ARSG: variants seen among roughly 807,000 people sequenced by gnomAD.
The protein encoded by ARSG is ASG.
ARSG carries 37 observed loss-of-function variants against 50.5 expected under a neutral mutation model. The observed-to-expected ratio is 0.73, with a 90% CI of 0.56 to 0.96. ARSG has a LOEUF of 0.96. Ranked by LOEUF, ARSG falls within the 50% of genes least tolerant of loss-of-function variation. The pLI, the probability that ARSG is intolerant of heterozygous loss-of-function variation, is 0.00. For missense variants in ARSG, 629 were observed against 675.3 expected (o/e 0.93, Z 0.76); for synonymous variants, 225 against 254.6 (o/e 0.88, Z 1.11).
At position 68,401,462 on chromosome 17, in the gene ARSG, G is replaced by T. The variant is rs776154425; in HGVS notation, c.1303+12G>T. Reference sequence around the variant, plus strand: ...CTTCTACATTACCGGTGAGTGAGGGGCCACTTAGCCCTGCCTCCCACAGTC... The same window carrying T: ...CTTCTACATTACCGGTGAGTGAGGGTCCACTTAGCCCTGCCTCCCACAGTC... On this transcript the variant is annotated intron_variant, in intron 11 of 11. Transcript: ENST00000621439. 1 of 1,603,492 alleles carries T rather than the reference G, an allele frequency of 6.2e-7. No homozygotes were observed. The highest frequency in any genetic ancestry group is 8.5e-7 in the Non-Finnish European group (1 of 1,170,720).
Position 68,272,660 on chromosome 17 carries a change from C to T in ARSG, c.-552+13234C>T, listed in dbSNP as rs1555749368. 6.2e-6 allele frequency: 10 copies of T among 1,614,042 alleles called. No homozygotes were observed. The Admixed American group carries it at 6.7e-5, about 11-fold the overall frequency. On this transcript the variant is annotated intron_variant, in intron 1 of 11. Transcript: ENST00000448504. ...CTACCTGGTGCGAAAGCAAACACAG[C>T]GAAACATTCTCCTGTGGAAGCAACT... is the stretch of plus-strand genomic sequence containing the variant.
At chr17:68,358,006 C>T (rs60483786) in intron 6 of ARSG, among the ~76,000 whole-genome samples, 3,396 of 151,978 alleles carry the variant, frequency 0.022, 138 homozygotes, top group African/African-American at 0.078. Context: ...GAGTTCAAGA[C>T]TAGCTGGGCA....
At chr17:68,304,793 G>T (rs1402958422) in intron 1 of ARSG, among the ~76,000 whole-genome samples, 1 of 152,214 alleles carries the variant, frequency 6.6e-6, no homozygotes, top group Non-Finnish European at 1.5e-5. Flanking sequence ...GCCTCCCAAA[G>T]TGTTGGGATT....
chr17:68,391,188 A>G (rs771235437), intron 9 of ARSG, among the ~76,000 whole-genome samples: 19 of 151,936 alleles, frequency 1.3e-4, no homozygotes, highest in Non-Finnish European at 2.5e-4. Flanking sequence ...TCAAGTTCTC[A>G]TGTAGGCTGG....
chr17:68,336,827 G>T (rs766569647), intron 2 of ARSG, among the ~76,000 whole-genome samples: 2 of 152,106 alleles, frequency 1.3e-5, no homozygotes, highest in African/African-American at 2.4e-5. Context: ...CTGCACTCTA[G>T]CCTGGGCAAC....
chr17:68,429,024 T>C, the ARSG span: 1 of 979,568 alleles, frequency 1.0e-6, no homozygotes. Flanking sequence ...TCACCCTAGC[T>C]GTCACCAGAT....
At chr17:68,361,804 C>A (rs2079301810) in intron 6 of ARSG, among the ~76,000 whole-genome samples, 1 of 152,114 alleles carries the variant, frequency 6.6e-6, no homozygotes, top group Admixed American at 6.6e-5. Context: ...GTAATCCCAG[C>A]TACTTGAGAG....
At chr17:68,357,572 A>G (rs1056369147) in intron 6 of ARSG, among the ~76,000 whole-genome samples, 1 of 152,224 alleles carries the variant, frequency 6.6e-6, no homozygotes, top group Non-Finnish European at 1.5e-5. Context: ...CATATACCGT[A>G]ACATTCACAG....
At chr17:68,451,703 C>G in the ARSG span, among the ~76,000 whole-genome samples, 1 of 152,166 alleles carries the variant, frequency 6.6e-6, no homozygotes, top group Admixed American at 6.5e-5. Context: ...GACAGTAACA[C>G]AGTTAAATCT....
intron 8 of ARSG, among the ~76,000 whole-genome samples, chr17:68,383,197 C>G (rs959561339): frequency 2.0e-5 from 3 of 152,120 alleles, no homozygotes; most frequent in South Asian, 4.1e-4. Context: ...GAGAAGAATC[C>G]CTAATTCTTG....
the ARSG span, among the ~76,000 whole-genome samples, chr17:68,445,248 C>T: frequency 6.6e-6 from 1 of 152,118 alleles, no homozygotes; most frequent in East Asian, 1.9e-4. Flanking sequence ...TGATCAGACC[C>T]CCTGTGCCAT....
rs569608362 is a variant in ARSG at position 68,320,198 on chromosome 17, C to T, written c.218+12487C>T. 1.1e-4 allele frequency among the ~76,000 whole-genome samples: 16 copies of T among 151,336 alleles called. No homozygotes were observed. In the Middle Eastern group the frequency reaches 0.01, roughly 97 times the overall value. On this transcript the variant is annotated intron_variant, in intron 2 of 11. Transcript: ENST00000621439. ...TAGCTACTCAGGAGGCTGAGACAGG[C>T]GAATCGCTTAGAACCTGGGAGTTGG...
chr17:68,349,234 G>GT (rs1202609147), intron 4 of ARSG, among the ~76,000 whole-genome samples: 1 of 151,860 alleles, frequency 6.6e-6, no homozygotes, highest in Non-Finnish European at 1.5e-5. Flanking sequence ...GGAGGTGGAG[G>GT]TTGCAGTGAG....
At chr17:68,438,243 G>GGCAGCCCT in the ARSG span, among the ~76,000 whole-genome samples, 49,902 of 151,622 alleles carry the variant, frequency 0.33, 8,661 homozygotes, top group Middle Eastern at 0.46. Context: ...TGCACGTTCT[G>GGCAGCCCT]GCAGCCCTGC....
At chr17:68,410,624 G>A (rs548983776) in intron 11 of ARSG, among the ~76,000 whole-genome samples, 6 of 152,302 alleles carry the variant, frequency 3.9e-5, no homozygotes, top group Admixed American at 3.9e-4. Flanking sequence ...GTATCAGGAT[G>A]ATGCTGGCCT....
intron 1 of ARSG, among the ~76,000 whole-genome samples, chr17:68,293,572 T>G (rs2076098674): frequency 6.6e-6 from 1 of 152,166 alleles, no homozygotes; most frequent in African/African-American, 2.4e-5. Flanking sequence ...ATTAATCTTT[T>G]TTAAATGTTT....
At position 68,307,561 on chromosome 17, in the gene ARSG, T is replaced by C; in HGVS notation, c.68T>C (p.Val23Ala). 1.9e-6 allele frequency: 3 copies of C among 1,614,190 alleles called. No homozygotes were observed. The highest frequency in any genetic ancestry group is 2.2e-5 in the East Asian group (1 of 44,886). Residue 23 changes from valine (V) to alanine (A), a missense_variant, in exon 2 of 12, where the codon GTG becomes GCG. Physicochemically the swap from Val to Ala is moderately conservative, Grantham distance 64 (BLOSUM62 0). Transcript: ENST00000621439. ...VSFSGFLYPL[V>A]DFCISGKTRG... is the part of the protein sequence containing the mutation. ...TTCTCAGGATTTCTTTATCCTCTTG[T>C]GGATTTTTGCATCAGTGGGAAAACA...
At chr17:68,320,872 G>A (rs1275986371) in intron 2 of ARSG, among the ~76,000 whole-genome samples, 2 of 152,174 alleles carry the variant, frequency 1.3e-5, no homozygotes, top group East Asian at 3.8e-4. Context: ...ATGCCTATGT[G>A]TATGTCGCAT....
rs756406920 is a variant in ARSG at position 68,343,775 on chromosome 17, C to T, written c.390C>T (p.Tyr130=). The T allele has an allele frequency of 1.1e-5, 17 of 1,612,954 alleles. 1 individual carries two copies. Among genetic ancestry groups the T allele is most frequent in the South Asian group, 7.7e-5 (7 of 90,996 alleles). ...TLAEVLQQAG[Y]VTGIIGKWHL... ...CAGAGGTGCTGCAGCAGGCGGGTTA[C>T]GTCACTGGGATAATAGGTAACTCTG... is the stretch of plus-strand genomic sequence containing the variant. The change falls in exon 3 of 12, where the codon TAC becomes TAT. Residue 130 remains tyrosine, a synonymous_variant. Coordinates refer to ENST00000621439, the MANE Select transcript of ARSG (RefSeq NM_001267727.2).
Sources: allele counts gnomAD v4.1 joint callset (sites outside exome capture counted in the v4.1 genomes callset), GRCh38; gene constraint gnomAD v4.1.1; transcripts MANE v1.5; gene names NCBI Gene and HGNC (gene_info 2026-07-23, HGNC 2026-07-21).